COBLL1: variants seen among roughly 807,000 people sequenced by gnomAD.
COBLL1 encodes cordon-bleu WH2 repeat protein like 1.
In COBLL1, 50 loss-of-function variants were observed where a neutral mutation model predicts 94.8. That is an observed-to-expected ratio of 0.53 (90% confidence interval 0.42 to 0.67). The LOEUF (loss-of-function observed/expected upper bound fraction) is 0.67. COBLL1 is among the 30% of genes least tolerant of loss of function. The pLI is 0.00. For missense variants in COBLL1, 1,362 were observed against 1,348.7 expected, an observed-to-expected ratio of 1.01 and a Z score of -0.15; for synonymous variants, 448 against 473.8, an observed-to-expected ratio of 0.95 and a Z score of 0.71.
chr2:164,780,017 G>A (rs1013892952), intron 2 of COBLL1, among the ~76,000 whole-genome samples: 1 of 152,090 alleles, frequency 6.6e-6, no homozygotes. Flanking sequence ...TTATAGCTTA[G>A]ATAAATAATG....
intron 7 of COBLL1, among the ~76,000 whole-genome samples, chr2:164,708,026 C>G (rs1388973820): frequency 6.6e-6 from 1 of 152,128 alleles, no homozygotes; most frequent in Admixed American, 6.5e-5. Context: ...GTCACTTCAA[C>G]AGGGAGAGAA....
intron 2 of COBLL1, among the ~76,000 whole-genome samples, chr2:164,795,333 T>C (rs1389844334): frequency 2.6e-5 from 4 of 152,214 alleles, no homozygotes; most frequent in Non-Finnish European, 4.4e-5. Context: ...GGCAAAATAA[T>C]ACCTTTTTAC....
chr2:164,777,472 C>T (rs548694241), intron 2 of COBLL1, among the ~76,000 whole-genome samples: 6 of 152,142 alleles, frequency 3.9e-5, no homozygotes, highest in South Asian at 2.1e-4. Flanking sequence ...TCTCCTGAAA[C>T]GTTTTGTATA....
At chr2:164,838,089 A>G (rs1683407495) in intron 2 of COBLL1, among the ~76,000 whole-genome samples, 1 of 152,174 alleles carries the variant, frequency 6.6e-6, no homozygotes, top group African/African-American at 2.4e-5. Flanking sequence ...AATGAAAGAC[A>G]TTCAAGATGA....
At chr2:164,704,401 T>C in intron 9 of COBLL1, 43 bp downstream of exon 9, 1 of 1,249,474 alleles carries the variant, frequency 8.0e-7, no homozygotes, top group Non-Finnish European at 1.2e-6. Flanking sequence ...ATCATGGACG[T>C]CCTTTTTCAG....
intron 1 of COBLL1, among the ~76,000 whole-genome samples, chr2:164,666,345 A>G (rs565425209): frequency 6.6e-6 from 1 of 152,322 alleles, no homozygotes; most frequent in South Asian, 2.1e-4. Context: ...AACAATGTAC[A>G]TACCTTAAAA....
chr2:164,714,589 G>A (rs998714243), intron 7 of COBLL1, among the ~76,000 whole-genome samples: 1 of 152,052 alleles, frequency 6.6e-6, no homozygotes, highest in African/African-American at 2.4e-5. Context: ...ACAAACTGGG[G>A]CCAACTCAGT....
chr2:164,678,985 C>CCTCAGAGT (rs1682919253), downstream of COBLL1, among the ~76,000 whole-genome samples: 1 of 152,064 alleles, frequency 6.6e-6, no homozygotes, highest in East Asian at 1.9e-4. Flanking sequence ...ATATGCATGC[C>CCTCAGAGT]CTCAGAGTCT....
intron 2 of COBLL1, among the ~76,000 whole-genome samples, chr2:164,756,075 G>A (rs1277253801): frequency 2.2e-5 from 3 of 139,094 alleles, no homozygotes; most frequent in Non-Finnish European, 4.7e-5. Flanking sequence ...GAGAGAGAAT[G>A]AGGGAGGGAG....
intron 2 of COBLL1, among the ~76,000 whole-genome samples, chr2:164,833,923 A>G (rs1257056002): frequency 1.3e-5 from 2 of 152,204 alleles, no homozygotes; most frequent in Non-Finnish European, 2.9e-5. Flanking sequence ...AGACTAGCCA[A>G]TCTTTGAGAA....
chr2:164,825,373 C>G (rs1185640720), intron 2 of COBLL1, among the ~76,000 whole-genome samples: 2 of 152,124 alleles, frequency 1.3e-5, no homozygotes, highest in African/African-American at 4.8e-5. Context: ...AAGAAACTTT[C>G]CAAGTGCAGA....
Position 164,722,208 on chromosome 2 carries a change from T to A in COBLL1, c.863A>T (p.Asp288Val). ...TGGAGCCCGCCTCTTCTTGGGTGCA[T>A]CCGACGGCAGGGTGTTGGAAATATA... ...KPYISNTLPS[D>V]APKKRRAPLP... Residue 288 changes from aspartate (D) to valine (V), a missense_variant, in exon 7 of 14, where the codon GAT (aspartate) becomes GTT (valine). Physicochemically the swap from Asp to Val is radical, Grantham distance 152. Coordinates refer to ENST00000652658, the MANE Select transcript of COBLL1 (RefSeq NM_001365672.2). 1 of 1,614,086 alleles carries A rather than the reference T, an allele frequency of 6.2e-7. No homozygotes were observed. The highest frequency in any genetic ancestry group is 8.5e-7 in the Non-Finnish European group (1 of 1,180,004).
chr2:164,666,699 T>C (rs1344653224), intron 1 of COBLL1, among the ~76,000 whole-genome samples: 2 of 152,220 alleles, frequency 1.3e-5, no homozygotes, highest in African/African-American at 4.8e-5. Context: ...TTTGTTGTCA[T>C]TTCCATCTCA....
chr2:164,742,078 GAAGAA>G (rs1327416604), intron 3 of COBLL1, among the ~76,000 whole-genome samples: 1 of 152,076 alleles, frequency 6.6e-6, no homozygotes, highest in Non-Finnish European at 1.5e-5. Context: ...TGAGGAAACA[GAAGAA>G]AAGTTAACTC....
chr2:164,797,434 A>C (rs912169571), intron 2 of COBLL1, among the ~76,000 whole-genome samples: 1 of 152,184 alleles, frequency 6.6e-6, no homozygotes, highest in Non-Finnish European at 1.5e-5. Flanking sequence ...TAAATTCACT[A>C]AACAAGCCTC....
intron 2 of COBLL1, among the ~76,000 whole-genome samples, chr2:164,758,935 A>G (rs1185413681): frequency 2.6e-5 from 4 of 152,090 alleles, no homozygotes; most frequent in African/African-American, 9.7e-5. Flanking sequence ...AGGAAGTTAA[A>G]AAGTTTTAGT....
chr2:164,707,598 C>T (rs1684670503), intron 7 of COBLL1, among the ~76,000 whole-genome samples: 1 of 152,186 alleles, frequency 6.6e-6, no homozygotes, highest in African/African-American at 2.4e-5. Context: ...GGGTTGACCA[C>T]AGAGGCAGAG....
At chr2:164,825,188 A>T (rs547562414) in intron 2 of COBLL1, among the ~76,000 whole-genome samples, 78 of 152,214 alleles carry the variant, frequency 5.1e-4, no homozygotes, top group African/African-American at 1.7e-3. Context: ...CCTGTAAGCC[A>T]CTGGTCACTG....
chr2:164,793,507 G>A (rs1178262232), intron 2 of COBLL1, among the ~76,000 whole-genome samples: 1 of 152,082 alleles, frequency 6.6e-6, no homozygotes, highest in Non-Finnish European at 1.5e-5. Context: ...GAAAACAAAT[G>A]AGTGATTATG....
Sources: allele counts gnomAD v4.1 joint callset (sites outside exome capture counted in the v4.1 genomes callset), GRCh38; gene constraint gnomAD v4.1.1; transcripts MANE v1.5; gene names NCBI Gene and HGNC (gene_info 2026-07-23, HGNC 2026-07-21).